Variants in FAM47E observed in about 807,000 individuals in gnomAD.
FAM47E encodes the protein family with sequence similarity 47 member E, also known as protein FAM47E.
Under a neutral mutation model 41.6 loss-of-function variants are expected in FAM47E, and 32 were observed. The observed-to-expected ratio is 0.77, with a 90% confidence interval of 0.58 to 1.03. The LOEUF (loss-of-function observed/expected upper bound fraction) is 1.03, where lower values mean the gene tolerates loss of function less well. Among genes scored for constraint, FAM47E ranks in the 50% least tolerant of loss-of-function variants. The probability of loss-of-function intolerance (pLI) is 0.00; values close to 1 mark genes in which losing one functional copy is unlikely to be tolerated. For synonymous variants in FAM47E, 184 were observed against 188.7 expected, an observed-to-expected ratio of 0.98 and a Z score of 0.20; for missense variants, 424 against 485.4, an observed-to-expected ratio of 0.87 and a Z score of 1.19.
intron 5 of FAM47E, among the ~76,000 whole-genome samples, chr4:76,277,205 C>T (rs1233082665): frequency 6.6e-6 from 1 of 152,158 alleles, no homozygotes; most frequent in Non-Finnish European, 1.5e-5. Context: ...AAGAGCTTGG[C>T]TGGGCGCAGT....
At chr4:76,256,635 T>C in intron 2 of FAM47E, 112 bp downstream of exon 2, 37 of 1,290,404 alleles carry the variant, frequency 2.9e-5, no homozygotes, top group Non-Finnish European at 3.8e-5. Context: ...AGAGGAGTGA[T>C]GAATGTCTCC....
At chr4:76,263,943 A>AGGCCGGGCGCGGTGGCTC in intron 3 of FAM47E, 100 bp downstream of exon 3, 2 of 1,455,798 alleles carry the variant, frequency 1.4e-6, no homozygotes, top group Non-Finnish European at 1.8e-6. Context: ...ACTTCTAATG[A>AGGCCGGGCGCGGTGGCTC]AGCAAATGTA....
At chr4:76,218,418 C>G (rs957810323) in intron 2 of FAM47E, among the ~76,000 whole-genome samples, 1 of 152,200 alleles carries the variant, frequency 6.6e-6, no homozygotes, top group Non-Finnish European at 1.5e-5. Flanking sequence ...GAGGAGAGCT[C>G]ATATACCATT....
intron 2 of FAM47E, among the ~76,000 whole-genome samples, chr4:76,229,672 T>C (rs1733459919): frequency 6.6e-6 from 1 of 152,208 alleles, no homozygotes; most frequent in Non-Finnish European, 1.5e-5. Flanking sequence ...AAATACCTGA[T>C]TCCTGTGATG....
At chr4:76,229,024 C>A (rs1733448389) in intron 2 of FAM47E, among the ~76,000 whole-genome samples, 1 of 152,116 alleles carries the variant, frequency 6.6e-6, no homozygotes, top group Non-Finnish European at 1.5e-5. Flanking sequence ...ACGCTTTATT[C>A]ATTTTTTTAA....
chr4:76,253,903 G>A (rs545661100), intron 1 of FAM47E, among the ~76,000 whole-genome samples: 5 of 151,688 alleles, frequency 3.3e-5, no homozygotes, highest in African/African-American at 7.3e-5. Flanking sequence ...ACTTGAACCC[G>A]AAGTTTGAGA....
chr4:76,250,513 T>C (rs1733932752), upstream of FAM47E, among the ~76,000 whole-genome samples: 1 of 152,184 alleles, frequency 6.6e-6, no homozygotes. Context: ...GTGGGCTGTT[T>C]ACTCTGCTGA....
chr4:76,224,882 G>A (rs1216331133), intron 2 of FAM47E, among the ~76,000 whole-genome samples: 1 of 152,064 alleles, frequency 6.6e-6, no homozygotes, highest in Non-Finnish European at 1.5e-5. Flanking sequence ...CCAATGTGTA[G>A]TCTTTTATCC....
chr4:76,231,714 C>T (rs4859436), intron 2 of FAM47E, among the ~76,000 whole-genome samples: 22,821 of 152,158 alleles, frequency 0.15, 2,042 homozygotes, highest in East Asian at 0.35. Flanking sequence ...AAAGCTGAGC[C>T]CAGGCATGGG....
upstream of FAM47E, among the ~76,000 whole-genome samples, chr4:76,248,683 C>A (rs184814037): frequency 6.6e-5 from 10 of 152,206 alleles, no homozygotes; most frequent in Admixed American, 3.3e-4. Flanking sequence ...AAATAAGAAA[C>A]CATCTATTTT....
At chr4:76,231,933 A>G (rs1578754854) in intron 2 of FAM47E, among the ~76,000 whole-genome samples, 2 of 152,232 alleles carry the variant, frequency 1.3e-5, no homozygotes, top group East Asian at 3.8e-4. Context: ...AGGAAAGCAT[A>G]CCCTTCCAGT....
At chr4:76,273,716 T>A (rs1734986277) in intron 5 of FAM47E, among the ~76,000 whole-genome samples, 1 of 152,102 alleles carries the variant, frequency 6.6e-6, no homozygotes, top group Non-Finnish European at 1.5e-5. Context: ...TTTTTTTTGT[T>A]GTTTTTCAAT....
chr4:76,245,980 C>G (rs1733818363), intron 2 of FAM47E, among the ~76,000 whole-genome samples: 1 of 152,170 alleles, frequency 6.6e-6, no homozygotes, highest in African/African-American at 2.4e-5. Flanking sequence ...CTCCTGTTGA[C>G]TATTGGTGTC....
chr4:76,217,610 G>T, exon 2 of FAM47E: 1 of 597,620 alleles, frequency 1.7e-6, no homozygotes, highest in Non-Finnish European at 3.0e-6. Flanking sequence ...CTCATCCAAT[G>T]CAGATGTCTG....
chr4:76,260,048 T>A (rs1004705120), intron 2 of FAM47E, among the ~76,000 whole-genome samples: 2 of 152,078 alleles, frequency 1.3e-5, no homozygotes, highest in East Asian at 3.8e-4. Context: ...AAAACACTGA[T>A]GAAAGAAATC....
intron 2 of FAM47E, chr4:76,236,218 T>C (rs1452338755): frequency 1.3e-5 from 2 of 152,200 alleles, no homozygotes; most frequent in Admixed American, 1.3e-4. Context: ...AGGAAAATAA[T>C]GAAAACAAAC....
At chr4:76,231,319 A>C (rs930918971) in intron 2 of FAM47E, among the ~76,000 whole-genome samples, 10 of 152,204 alleles carry the variant, frequency 6.6e-5, no homozygotes, top group Non-Finnish European at 1.3e-4. Flanking sequence ...TCAGAATTAG[A>C]ATGTTGATCC....
At chr4:76,271,916 A>G in intron 5 of FAM47E, 148 bp downstream of exon 5, 1 of 925,998 alleles carries the variant, frequency 1.1e-6, no homozygotes, top group Non-Finnish European at 1.6e-6. Flanking sequence ...TGTTAAATAA[A>G]TGCATGTTTA....
intron 2 of FAM47E, among the ~76,000 whole-genome samples, chr4:76,226,405 A>G (rs959389067): frequency 6.6e-5 from 10 of 152,222 alleles, no homozygotes; most frequent in African/African-American, 2.2e-4. Context: ...CAATCAATTT[A>G]TGATTTTGGG....
Sources: gnomAD v4.1 joint callset for allele counts (sites outside exome capture counted in the v4.1 genomes callset) on GRCh38, gnomAD v4.1.1 for gene constraint, MANE v1.5 for transcripts, NCBI Gene and HGNC (gene_info 2026-07-23, HGNC 2026-07-21) for gene names.